CATSPERB: variants seen among roughly 807,000 people sequenced by gnomAD.
CATSPERB encodes cation channel sperm-associated auxiliary subunit beta.
CATSPERB carries 93 observed loss-of-function variants against 128.3 expected under a neutral mutation model. The ratio of observed to expected loss-of-function variants is 0.72; its 90% CI spans 0.61 to 0.86. CATSPERB has a LOEUF of 0.86. CATSPERB is among the 40% of genes least tolerant of loss of function. The pLI is 0.00. For synonymous variants in CATSPERB, 381 were observed against 448.8 expected (o/e 0.85, Z 1.91); for missense variants, 1,153 against 1,329.5 (o/e 0.87, Z 2.06).
At chr14:91,597,200 A>G (rs1164690215) in intron 22 of CATSPERB, among the ~76,000 whole-genome samples, 2 of 152,128 alleles carry the variant, frequency 1.3e-5, no homozygotes, top group Non-Finnish European at 2.9e-5. Context: ...AAAAAGATAT[A>G]ATTTATAATT....
At chr14:91,606,641 A>G (rs944783092) in intron 22 of CATSPERB, among the ~76,000 whole-genome samples, 1 of 152,216 alleles carries the variant, frequency 6.6e-6, no homozygotes, top group Non-Finnish European at 1.5e-5. Flanking sequence ...GAAGCCCTGC[A>G]CTCGATGACG....
chr14:91,675,133 C>G (rs960052735), intron 11 of CATSPERB, among the ~76,000 whole-genome samples: 1 of 152,214 alleles, frequency 6.6e-6, no homozygotes, highest in Non-Finnish European at 1.5e-5. Flanking sequence ...TTTGAGTGGT[C>G]TAGTCTGTCA....
chr14:91,605,430 G>A, intron 22 of CATSPERB: 1 of 499,330 alleles, frequency 2.0e-6, no homozygotes, highest in Non-Finnish European at 3.5e-6. Flanking sequence ...ACCTCCAGAA[G>A]CGAAAGTATC....
rs1437944672 is a variant in CATSPERB, at chr14:91,603,868, A to G, written c.2709+4426T>C. On this transcript the variant is annotated intron_variant, in intron 22 of 26. Coordinates refer to ENST00000256343, the MANE Select transcript of CATSPERB (RefSeq NM_024764.4). ...CCATCATACATGAGGCCTCACCTCT[A>G]ACACTGGGGATTACAATTCGACATG... Among the ~76,000 whole-genome samples, 7 of 152,138 alleles carry G rather than the reference A, an allele frequency of 4.6e-5. No individual in the cohort carries two copies. The East Asian group carries it at 1.2e-3, about 25-fold the overall frequency.
chr14:91,603,877 G>A (rs1893651207), intron 22 of CATSPERB, among the ~76,000 whole-genome samples: 1 of 152,116 alleles, frequency 6.6e-6, no homozygotes, highest in South Asian at 2.1e-4. Flanking sequence ...TAACACTGGG[G>A]ATTACAATTC....
chr14:91,726,094 G>A (rs890487389), intron 2 of CATSPERB, among the ~76,000 whole-genome samples: 1 of 152,180 alleles, frequency 6.6e-6, no homozygotes, highest in African/African-American at 2.4e-5. Flanking sequence ...GTCCTGCTGA[G>A]AGACACCTCA....
At chr14:91,726,392 T>C (rs1016179003) in intron 2 of CATSPERB, among the ~76,000 whole-genome samples, 4 of 152,054 alleles carry the variant, frequency 2.6e-5, no homozygotes, top group African/African-American at 9.7e-5. Flanking sequence ...GGGGTTCGAG[T>C]GCCAGAACAG....
chr14:91,586,571 A>AGAGAGAGAGAGAG (rs374162982), intron 26 of CATSPERB, among the ~76,000 whole-genome samples: 54 of 114,248 alleles, frequency 4.7e-4, no homozygotes, highest in South Asian at 6.4e-4. Flanking sequence ...GAGAGAGAGA[A>AGAGAGAGAGAGAG]AGAGAGAGAG....
At chr14:91,673,150 T>A in intron 12 of CATSPERB, 134 bp from the exon 13 acceptor site, 2 of 753,924 alleles carry the variant, frequency 2.7e-6, no homozygotes, top group Non-Finnish European at 4.0e-6. Flanking sequence ...TAACCTTCCC[T>A]CCCTGGTCTT....
intron 11 of CATSPERB, among the ~76,000 whole-genome samples, chr14:91,679,879 G>A (rs1175519004): frequency 6.6e-6 from 1 of 152,048 alleles, no homozygotes; most frequent in Non-Finnish European, 1.5e-5. Flanking sequence ...GTCCTTAACA[G>A]GTGCCATTAA....
intron 5 of CATSPERB, among the ~76,000 whole-genome samples, chr14:91,716,716 C>T (rs529563462): frequency 1.5e-5 from 2 of 137,516 alleles, no homozygotes; most frequent in South Asian, 4.4e-4. Flanking sequence ...CAAGCATACA[C>T]ACACACACAC....
chr14:91,589,100 A>G (rs550776267), intron 24 of CATSPERB, among the ~76,000 whole-genome samples: 1 of 152,336 alleles, frequency 6.6e-6, no homozygotes, highest in Admixed American at 6.5e-5. Flanking sequence ...CTTTTCAATT[A>G]TTTTACCATA....
intron 10 of CATSPERB, among the ~76,000 whole-genome samples, chr14:91,690,767 G>A (rs1413318467): frequency 6.6e-6 from 1 of 152,210 alleles, no homozygotes; most frequent in Non-Finnish European, 1.5e-5. Context: ...ATGCACATGT[G>A]CACACAGACT....
intron 22 of CATSPERB, among the ~76,000 whole-genome samples, chr14:91,601,808 C>G (rs568310212): frequency 1.3e-5 from 2 of 152,042 alleles, no homozygotes; most frequent in African/African-American, 4.8e-5. Context: ...GTTAGGGGAG[C>G]TAGCTCTAAA....
At chr14:91,619,059 C>A (rs564800435) in intron 19 of CATSPERB, among the ~76,000 whole-genome samples, 4 of 152,082 alleles carry the variant, frequency 2.6e-5, no homozygotes, top group African/African-American at 9.7e-5. Context: ...ACTGATTGAG[C>A]CCTTTAATAA....
At chr14:91,691,757 A>G (rs1489227390) in intron 9 of CATSPERB, among the ~76,000 whole-genome samples, 2 of 152,226 alleles carry the variant, frequency 1.3e-5, no homozygotes, top group Admixed American at 1.3e-4. Flanking sequence ...TACAATATCC[A>G]GGGAATTTCC....
At chr14:91,682,052 T>G (rs189935712) in intron 11 of CATSPERB, among the ~76,000 whole-genome samples, 60 of 152,350 alleles carry the variant, frequency 3.9e-4, no homozygotes, top group African/African-American at 1.4e-3. Flanking sequence ...GCACAAATGG[T>G]GGCTTCCCTC....
At chr14:91,683,750 T>G (rs767230073) in intron 11 of CATSPERB, 127 bp downstream of exon 11, 28 of 593,428 alleles carry the variant, frequency 4.7e-5, no homozygotes, top group Non-Finnish European at 7.1e-5. Context: ...CAAGTGCCCC[T>G]TTTTAAACCC....
At chr14:91,683,445 GA>G (rs1277181681) in intron 11 of CATSPERB, among the ~76,000 whole-genome samples, 9 of 152,158 alleles carry the variant, frequency 5.9e-5, no homozygotes, top group Non-Finnish European at 1.2e-4. Context: ...TTTTAGCCTT[GA>G]AAGCATACTT....
Sources: allele counts gnomAD v4.1 joint callset (sites outside exome capture counted in the v4.1 genomes callset), GRCh38; gene constraint gnomAD v4.1.1; transcripts MANE v1.5; gene names NCBI Gene and HGNC (gene_info 2026-07-23, HGNC 2026-07-21).